NBL1: variants seen among roughly 807,000 people sequenced by gnomAD.
NBL1 encodes the protein NBL1, DAN family BMP antagonist.
A neutral mutation model predicts 16.0 loss-of-function variants in NBL1; 9 were observed. The ratio of observed to expected loss-of-function variants is 0.56; its 90% CI spans 0.34 to 0.98. The LOEUF (loss-of-function observed/expected upper bound fraction) is 0.98, where lower values mean the gene tolerates loss of function less well. Among genes scored for constraint, NBL1 ranks in the 50% least tolerant of loss-of-function variants. NBL1 has a pLI of 0.02. For synonymous variants in NBL1, 86 were observed against 100.7 expected, an observed-to-expected ratio of 0.85 and a Z score of 0.87; for missense variants, 196 against 243.1, an observed-to-expected ratio of 0.81 and a Z score of 1.29.
At chr1:19,643,630 G>C (rs561302169), upstream of NBL1, 2 of 1,341,948 alleles carry the variant, frequency 1.5e-6, no homozygotes, top group Non-Finnish European at 1.9e-6. The surrounding 1 kb of genome is among the most constrained non-coding windows in gnomAD (Gnocchi z 4.7). Context: ...AGAGAAGTGA[G>C]TTCATTTGCT....
In NBL1 at chr1:19,655,235, A is replaced by C. The variant is rs1264045005; in HGVS notation, c.170+35A>C. ...AAGGGGTGGGTGGGGGGATGCGGAC[A>C]GGGGTCCAAGGAGGGAGGAAGAGGA... is the stretch of plus-strand genomic sequence containing the variant. On this transcript the variant is annotated intron_variant, in intron 2 of 3. Coordinates refer to ENST00000375136, the MANE Select transcript of NBL1 (RefSeq NM_005380.8). 3.7e-6 allele frequency: 6 copies of C among 1,606,196 alleles called. No individual in the cohort carries two copies. The African/African-American group carries it at 8.0e-5, about 22-fold the overall frequency.
At chr1:19,656,813 G>C (rs1188235685) in intron 3 of NBL1, 53 bp from the exon 4 acceptor site, 1 of 1,551,084 alleles carries the variant, frequency 6.4e-7, no homozygotes, top group African/African-American at 1.4e-5. Flanking sequence ...GGGCTGCCTT[G>C]CCTGCCCCAG....
chr1:19,652,115 C>G (rs892851285), intron 1 of NBL1, among the ~76,000 whole-genome samples: 1 of 152,108 alleles, frequency 6.6e-6, no homozygotes, highest in African/African-American at 2.4e-5. Flanking sequence ...ACCTCCCTGG[C>G]CCCCTGTGAC....
At chr1:19,643,803 G>A (rs1314976595), upstream of NBL1, 3 of 1,007,714 alleles carry the variant, frequency 3.0e-6, no homozygotes, top group East Asian at 1.0e-4. This position sits in a 1 kb window ranked among gnomAD's most constrained non-coding sequence, Gnocchi z 4.7. Flanking sequence ...ACGGGATGAG[G>A]TGCACCGCAG....
At chr1:19,644,136 CG>C, upstream of NBL1, 1 of 979,070 alleles carries the variant, frequency 1.0e-6, no homozygotes, top group African/African-American at 1.8e-5. This position sits in a 1 kb window ranked among gnomAD's most constrained non-coding sequence, Gnocchi z 4.6. Flanking sequence ...GGAGAGGGCC[CG>C]GGGCCCCTGC....
In NBL1 at chr1:19,658,292, G is replaced by C. The variant is rs1036065919; in HGVS notation, c.*1163G>C. On this transcript the variant is annotated 3_prime_UTR_variant, in exon 4 of 4. Transcript: ENST00000375136. ...CCCCTCGTTGCCCAGCACTGTCTGC[G>C]TCTGCTCTTCTGTGCCCAGGGTGGC... 6.5e-6 allele frequency: 1 copy of C among 152,764 alleles called. No homozygotes were observed. The highest frequency in any genetic ancestry group is 2.4e-5 in the African/African-American group (1 of 41,464). The allele number at this position is 152,764 out of a possible 1,614,324, so 9.5% of individuals were successfully genotyped here. A position where few individuals can be genotyped will look rare whatever the true frequency, so the allele number is the denominator to read the frequency against.
chr1:19,652,912 C>T (rs574415719), intron 1 of NBL1, among the ~76,000 whole-genome samples: 106 of 151,688 alleles, frequency 7.0e-4, no homozygotes, highest in African/African-American at 2.4e-3. Flanking sequence ...CACTTGAACC[C>T]GGGAGGCGGA....
At chr1:19,649,844 A>G (rs1444656651) in intron 1 of NBL1, among the ~76,000 whole-genome samples, 1 of 151,888 alleles carries the variant, frequency 6.6e-6, no homozygotes. Context: ...AAATTTTTGT[A>G]GAGATGGGAT....
chr1:19,650,009 T>G (rs1375829624), intron 1 of NBL1, among the ~76,000 whole-genome samples: 1 of 149,634 alleles, frequency 6.7e-6, no homozygotes, highest in Non-Finnish European at 1.5e-5. Context: ...GAGTCTCGCT[T>G]TGTCGCCCAG....
At chr1:19,645,742 A>G (rs1172537617) in intron 1 of NBL1, 1 of 1,360,246 alleles carries the variant, frequency 7.4e-7, no homozygotes. Context: ...CCACCCCTGC[A>G]AGCTGGACCT....
chr1:19,652,849 G>C (rs924289044), intron 1 of NBL1, among the ~76,000 whole-genome samples: 1 of 152,070 alleles, frequency 6.6e-6, no homozygotes, highest in South Asian at 2.1e-4. Context: ...TCAGCCAGGT[G>C]TGGTGGCGAA....
chr1:19,646,745 C>T (rs746661299), intron 1 of NBL1, among the ~76,000 whole-genome samples: 4 of 152,200 alleles, frequency 2.6e-5, no homozygotes, highest in Admixed American at 6.5e-5. Flanking sequence ...GGTGTCTCCA[C>T]GACCCTGTCT....
chr1:19,643,471 C>T (rs1031616861), upstream of NBL1: 6 of 1,589,122 alleles, frequency 3.8e-6, no homozygotes, highest in African/African-American at 8.0e-5. The surrounding 1 kb of genome is among the most constrained non-coding windows in gnomAD (Gnocchi z 4.7). Context: ...CACCACTTTC[C>T]AGAAGCAAAG....
At position 19,657,037 on chromosome 1, in the gene NBL1, C is replaced by G; in HGVS notation, c.454C>G (p.Pro152Ala). ...PGSQPGTHPH[P>A]HPHPHPGGQT... ...ATCCCAGCCCGGCACCCACCCTCAC[C>G]CCCATCCCCACCCCCATCCTGGCGG... The change falls in exon 4 of 4, where the codon CCC becomes GCC. Residue 152 changes from proline to alanine, a missense_variant. Pro to Ala is a conservative substitution (Grantham distance 27, BLOSUM62 -1). Coordinates refer to ENST00000375136, the MANE Select transcript of NBL1 (RefSeq NM_005380.8). 1 of 1,554,816 alleles carries G rather than the reference C, an allele frequency of 6.4e-7. No homozygotes were observed.
chr1:19,655,948 A>G (rs944060631), intron 3 of NBL1, among the ~76,000 whole-genome samples: 1 of 151,906 alleles, frequency 6.6e-6, no homozygotes, highest in African/African-American at 2.4e-5. Flanking sequence ...ACTTCTATTC[A>G]TTCTTCTGCC....
In NBL1 at chr1:19,647,434, A is replaced by T. The variant is rs145598890; in HGVS notation, c.-20+2988A>T. Among the ~76,000 whole-genome samples, 1,384 of 152,232 alleles carry T rather than the reference A, an allele frequency of 9.1e-3. 21 individuals carry two copies. The highest frequency in any genetic ancestry group is 0.032 in the African/African-American group (1,322 of 41,518). On this transcript the variant is annotated intron_variant, in intron 1 of 3. Transcript: ENST00000375136. ...GAGTGAGATCCTGTTACAAATAAAA[A>T]CATAAAGATAAAAAGAGAAAGATTA... is the stretch of plus-strand genomic sequence containing the variant.
chr1:19,647,893 G>A (rs57857691), intron 1 of NBL1, among the ~76,000 whole-genome samples: 22 of 100,508 alleles, frequency 2.2e-4, no homozygotes, highest in African/African-American at 8.9e-4. Context: ...GCGTGTGCGC[G>A]CGTGTGTGTG....
upstream of NBL1, chr1:19,643,279 G>A (rs375130730): frequency 1.7e-4 from 267 of 1,603,410 alleles, 1 homozygote; most frequent in South Asian, 1.4e-3. The surrounding 1 kb of genome is among the most constrained non-coding windows in gnomAD (Gnocchi z 4.7). Context: ...GTACACCAGG[G>A]AGTTCCCAGC....
rs2100442920 is a variant in NBL1, at chr1:19,655,219, G to A, written c.170+19G>A. 1.9e-6 allele frequency: 3 copies of A among 1,604,280 alleles called. No homozygotes were observed. The highest frequency in any genetic ancestry group is 2.6e-6 in the Non-Finnish European group (3 of 1,174,586). On this transcript the variant is annotated intron_variant, in intron 2 of 3. Coordinates refer to ENST00000375136, the MANE Select transcript of NBL1 (RefSeq NM_005380.8). ...AGAACAGGTGGGACCCAAGGGGTGG[G>A]TGGGGGGATGCGGACAGGGGTCCAA...
Sources: gnomAD v4.1 joint callset for allele counts (sites outside exome capture counted in the v4.1 genomes callset) on GRCh38, gnomAD v4.1.1 for gene constraint, Gnocchi (gnomAD v3.1) non-coding constraint, MANE v1.5 for transcripts, NCBI Gene and HGNC (gene_info 2026-07-23, HGNC 2026-07-21) for gene names.